The following ZCCHC14 variants were observed in gnomAD, a reference collection of about 807,000 sequenced individuals.
ZCCHC14 encodes zinc finger CCHC-type containing 14.
A neutral mutation model predicts 85.0 loss-of-function variants in ZCCHC14; 16 were observed. That is an observed-to-expected ratio of 0.19 (90% CI 0.13 to 0.29). The LOEUF is 0.29. ZCCHC14 is among the 10% of genes least tolerant of loss of function. ZCCHC14 has a pLI of 1.00. For synonymous variants in ZCCHC14, 775 were observed against 630.7 expected, an observed-to-expected ratio of 1.23 and a Z score of -3.43; for missense variants, 1,303 against 1,443.5, an observed-to-expected ratio of 0.90 and a Z score of 1.58.
intron 2 of ZCCHC14, among the ~76,000 whole-genome samples, chr16:87,439,333 CTA>C (rs1289571463): frequency 2.6e-5 from 4 of 152,186 alleles, no homozygotes; most frequent in Non-Finnish European, 5.9e-5. Flanking sequence ...GGGGGTTGCA[CTA>C]TGTTGACCAG....
intron 2 of ZCCHC14, among the ~76,000 whole-genome samples, chr16:87,438,348 T>C (rs528377611): frequency 2.2e-4 from 33 of 152,388 alleles, no homozygotes; most frequent in African/African-American, 7.9e-4. Flanking sequence ...TATGAAACTC[T>C]GCAGCCAAGT....
rs775106128 is a variant in ZCCHC14 at position 87,417,641 on chromosome 16, T to A, written c.1202A>T (p.His401Leu). Residue 401 changes from histidine (H) to leucine (L), a missense_variant, in exon 8 of 13, where the codon CAT becomes CTT. Around this residue, in one of 7 missense-constraint regions of ZCCHC14, gnomAD observed 389 missense variants for 397.8 expected, o/e 0.98. Coordinates refer to ENST00000671377, the MANE Select transcript of ZCCHC14 (RefSeq NM_015144.3). Reference protein sequence around the residue: ...GSAAPLPHCSHAGSAGSALAY... With the variant: ...GSAAPLPHCSLAGSAGSALAY... ...CAGGGCTGAGCCCGCGCTGCCCGCA[T>A]GGGAGCAGTGAGGCAAGGGGGCGGC... The A allele has an allele frequency of 1.2e-6, 2 of 1,613,964 alleles. No individual in the cohort carries two copies. The highest frequency in any genetic ancestry group is 4.5e-5 in the East Asian group (2 of 44,886).
intron 1 of ZCCHC14, among the ~76,000 whole-genome samples, chr16:87,480,894 G>C (rs553431279): frequency 6.6e-6 from 1 of 152,350 alleles, no homozygotes; most frequent in Admixed American, 6.5e-5. Context: ...GCACAGGAGA[G>C]AGAAAGCACA....
At position 87,492,933 on chromosome 16, in the gene ZCCHC14, C is replaced by A. The variant is rs1357210274; in HGVS notation, c.-695G>T. On this transcript the variant is annotated 5_prime_UTR_variant, in exon 1 of 13. Coordinates refer to ENST00000671377, the MANE Select transcript of ZCCHC14 (RefSeq NM_015144.3). The surrounding 1 kb of genome is among the most constrained non-coding windows in gnomAD (Gnocchi z 6.7). ...GCGGCGGCGGCGGCGACGGCGACGG[C>A]GACGGCGACGGCGACGGCGGAGGAG... is the stretch of plus-strand genomic sequence containing the variant. 1.3e-5 allele frequency among the ~76,000 whole-genome samples: 2 copies of A among 148,832 alleles called. No individual in the cohort carries two copies. Among genetic ancestry groups the A allele is most frequent in the African/African-American group, 5.0e-5 (2 of 40,086 alleles).
rs571414044 is a variant in ZCCHC14, at chr16:87,420,375, G to A, written c.950+232C>T. 6.6e-6 allele frequency among the ~76,000 whole-genome samples: 1 copy of A among 152,228 alleles called. No homozygotes were observed. Among genetic ancestry groups the A allele is most frequent in the African/African-American group, 2.4e-5 (1 of 41,464 alleles). On this transcript the variant is annotated intron_variant, in intron 5 of 12. Coordinates refer to ENST00000671377, the MANE Select transcript of ZCCHC14 (RefSeq NM_015144.3). This position sits in a 1 kb window ranked among gnomAD's most constrained non-coding sequence, Gnocchi z 5.0. Reference sequence around the variant, plus strand: ...TCACAGGACTGCCAAAGCCCAAGACGTGGTGGGACCCACCCTGGAATTCCC... The same window carrying A: ...TCACAGGACTGCCAAAGCCCAAGACATGGTGGGACCCACCCTGGAATTCCC...
chr16:87,444,844 G>A (rs1659327245), intron 2 of ZCCHC14, among the ~76,000 whole-genome samples: 1 of 152,186 alleles, frequency 6.6e-6, no homozygotes, highest in South Asian at 2.1e-4. Flanking sequence ...GCATTACTGG[G>A]ACAATGGCCG....
intron 1 of ZCCHC14, among the ~76,000 whole-genome samples, chr16:87,474,983 A>G (rs1202035859): frequency 6.6e-6 from 1 of 152,256 alleles, no homozygotes; most frequent in East Asian, 1.9e-4. Context: ...ATCAATCTTC[A>G]GGAGGATAGA....
At position 87,492,819 on chromosome 16, in the gene ZCCHC14, G is replaced by T. The variant is rs1275498913; in HGVS notation, c.-581C>A. ...GGCCGCGAAACGGACGCTGGAGGGG[G>T]AGGGACGCGCGGCGGGAGGCGCGGA... On this transcript the variant is annotated 5_prime_UTR_variant, in exon 1 of 13. Coordinates refer to ENST00000671377, the MANE Select transcript of ZCCHC14 (RefSeq NM_015144.3). This position sits in a 1 kb window ranked among gnomAD's most constrained non-coding sequence, Gnocchi z 6.7. Among the ~76,000 whole-genome samples, 1 of 147,692 alleles carries T rather than the reference G, an allele frequency of 6.8e-6. No individual in the cohort carries two copies. Among genetic ancestry groups the T allele is most frequent in the East Asian group, 2.0e-4 (1 of 5,124 alleles).
In ZCCHC14 at chr16:87,415,040, C is replaced by G. The variant is rs193024657; in HGVS notation, c.1475+236G>C. On this transcript the variant is annotated intron_variant, in intron 9 of 12. Transcript: ENST00000671377. Reference sequence around the variant, plus strand: ...GAGGTTGCAGTGAGCCGAGATTGCACCACTGCACTCCAGCCTGGGCACGAC... The same window carrying G: ...GAGGTTGCAGTGAGCCGAGATTGCAGCACTGCACTCCAGCCTGGGCACGAC... Among the ~76,000 whole-genome samples the G allele has an allele frequency of 5.3e-5, 8 of 152,316 alleles. No homozygotes were observed. In the East Asian group the frequency reaches 1.5e-3, roughly 29 times the overall value.
intron 2 of ZCCHC14, among the ~76,000 whole-genome samples, chr16:87,441,929 G>A (rs1322062766): frequency 1.3e-5 from 2 of 152,198 alleles, no homozygotes; most frequent in Non-Finnish European, 2.9e-5. Flanking sequence ...GATTCCAGGT[G>A]GGGTGACACC....
chr16:87,412,308 C>A lies in ZCCHC14; in HGVS notation c.2413G>T (p.Ala805Ser), dbSNP rs1250613660. Residue 805 changes from alanine (A) to serine (S), a missense_variant, in exon 12 of 13, where the codon GCA becomes TCA. By Grantham distance (99) the Ala-to-Ser change is moderately conservative. Coordinates refer to ENST00000671377, the MANE Select transcript of ZCCHC14 (RefSeq NM_015144.3). The stretch of plus-strand genomic sequence containing the variant: ...AGAGCAGTCCGGGGGTTTATTATTG[C>A]AGGGGGCACACTTATTTGCACATTA... ...PNNVQISVPP[A>S]IINPRTALYT... 7.4e-6 allele frequency: 12 copies of A among 1,613,954 alleles called. No homozygotes were observed. Among genetic ancestry groups the A allele is most frequent in the Non-Finnish European group, 1.0e-5 (12 of 1,180,044 alleles).
chr16:87,415,290 C>T lies in ZCCHC14; in HGVS notation c.1461G>A (p.Gln487=). Residue 487 remains glutamine (Q), a synonymous_variant, in exon 9 of 13, where the codon CAG becomes CAA. Coordinates refer to ENST00000671377, the MANE Select transcript of ZCCHC14 (RefSeq NM_015144.3). ...TMGAKKKLKT[Q]LELEKEKSER... The stretch of plus-strand genomic sequence containing the variant: ...TTCACACTCACTTTTCCAGCTCCAG[C>T]TGGGTCTTGAGCTTCTTCTTTGCCC... 6.2e-7 allele frequency: 1 copy of T among 1,613,946 alleles called. No individual in the cohort carries two copies. The highest frequency in any genetic ancestry group is 8.5e-7 in the Non-Finnish European group (1 of 1,179,956).
intron 7 of ZCCHC14, 117 bp downstream of exon 7, chr16:87,418,730 T>G (rs1341413504): frequency 9.5e-7 from 1 of 1,051,876 alleles, no homozygotes; most frequent in Admixed American, 2.0e-5. Context: ...CTTCTCAATA[T>G]CATCCAAGAC....
intron 1 of ZCCHC14, chr16:87,467,157 GA>G: frequency 8.1e-7 from 1 of 1,233,460 alleles, no homozygotes; most frequent in Non-Finnish European, 1.2e-6. Flanking sequence ...GTTGATAGAT[GA>G]AAACTGTCTG....
intron 2 of ZCCHC14, 53 bp from the exon 3 acceptor site, chr16:87,433,254 A>T: frequency 6.6e-7 from 1 of 1,525,178 alleles, no homozygotes; most frequent in Non-Finnish European, 9.0e-7. Context: ...AAGTATATAC[A>T]TGATTATTTA....
At chr16:87,470,801 G>A (rs1335050586) in intron 1 of ZCCHC14, 2 of 152,218 alleles carry the variant, frequency 1.3e-5, no homozygotes, top group African/African-American at 2.4e-5. Flanking sequence ...CATCAGTTGT[G>A]TGCAAACAGG....
chr16:87,431,892 C>G (rs958670902), intron 3 of ZCCHC14, among the ~76,000 whole-genome samples: 1 of 152,168 alleles, frequency 6.6e-6, no homozygotes, highest in Admixed American at 6.5e-5. Context: ...CCAGAAACTC[C>G]GTGGGCGCCG....
At chr16:87,440,617 T>G (rs1013066934) in intron 2 of ZCCHC14, among the ~76,000 whole-genome samples, 2 of 151,974 alleles carry the variant, frequency 1.3e-5, no homozygotes, top group African/African-American at 4.8e-5. Context: ...ATACCCTTCA[T>G]TTTCTTTTTG....
intron 1 of ZCCHC14, among the ~76,000 whole-genome samples, chr16:87,476,835 C>G (rs1163125690): frequency 6.6e-6 from 1 of 151,938 alleles, no homozygotes; most frequent in Non-Finnish European, 1.5e-5. Context: ...TCTGTCAAAA[C>G]TGAAGTGGTG....
Sources: gnomAD v4.1 joint callset for allele counts (sites outside exome capture counted in the v4.1 genomes callset) on GRCh38, gnomAD v4.1.1 for gene constraint, gnomAD v4.1.1 regional missense constraint, Gnocchi (gnomAD v3.1) non-coding constraint, MANE v1.5 for transcripts, NCBI Gene and HGNC (gene_info 2026-07-23, HGNC 2026-07-21) for gene names.